The following CXCR5 variants were observed in gnomAD, a reference collection of about 807,000 sequenced individuals.
CXCR5 encodes C-X-C chemokine receptor type 5.
Under a neutral mutation model 5.6 loss-of-function variants are expected in CXCR5, and 3 were observed. That is an observed-to-expected ratio of 0.54 (90% CI 0.24 to 1.39). The LOEUF (loss-of-function observed/expected upper bound fraction) is 1.39. Among genes scored for constraint, CXCR5 ranks in the 40% most tolerant of loss-of-function variants. The pLI, the probability that CXCR5 is intolerant of heterozygous loss-of-function variation, is 0.16. For missense variants in CXCR5, 333 were observed against 494.6 expected, an observed-to-expected ratio of 0.67 and a Z score of 3.10; for synonymous variants, 218 against 219.9, an observed-to-expected ratio of 0.99 and a Z score of 0.08.
chr11:118,893,550 A>G lies in CXCR5; in HGVS notation c.52-46A>G. 1 of 1,518,754 alleles carries G rather than the reference A, an allele frequency of 6.6e-7. No homozygotes were observed. Among genetic ancestry groups the G allele is most frequent in the South Asian group, 1.3e-5 (1 of 76,376 alleles). 94.1% of individuals were successfully genotyped at this position (1,518,754 alleles called of 1,614,324 possible). Reference sequence around the variant, plus strand: ...AGCTAGGGTTCCTCTCAGAGAGGAAAGACAGGTCCTTAGGTCCTCACCCTC... The same window carrying G: ...AGCTAGGGTTCCTCTCAGAGAGGAAGGACAGGTCCTTAGGTCCTCACCCTC... On this transcript the variant is annotated intron_variant, in intron 1 of 1. Coordinates refer to ENST00000292174, the MANE Select transcript of CXCR5 (RefSeq NM_001716.5). The surrounding 1 kb of genome is among the most constrained non-coding windows in gnomAD (Gnocchi z 5.7).
At chr11:118,887,180 T>C in intron 1 of CXCR5, 1 of 947,672 alleles carries the variant, frequency 1.1e-6, no homozygotes, top group Non-Finnish European at 1.3e-6. Context: ...AACTCTTGCT[T>C]TCCCCAGGGA....
In CXCR5 at chr11:118,893,882, T is replaced by C; in HGVS notation, c.338T>C (p.Val113Ala). The C allele has an allele frequency of 6.2e-7, 1 of 1,614,196 alleles. No homozygotes were observed. The highest frequency in any genetic ancestry group is 8.5e-7 in the Non-Finnish European group (1 of 1,180,040). The change falls in exon 2 of 2, where the codon GTG becomes GCG. Residue 113 changes from valine to alanine, a missense_variant. Coordinates refer to ENST00000292174, the MANE Select transcript of CXCR5 (RefSeq NM_001716.5). This position sits in a 1 kb window ranked among gnomAD's most constrained non-coding sequence, Gnocchi z 5.7. ...ILPFAVAEGS[V>A]GWVLGTFLCK... The stretch of plus-strand genomic sequence containing the variant: ...CCCTTTGCCGTGGCCGAGGGCTCTG[T>C]GGGCTGGGTCCTGGGGACCTTCCTC...
rs1939858370 is a variant in CXCR5, at chr11:118,894,122, G to A, written c.578G>A (p.Gly193Asp). 1 of 1,614,022 alleles carries A rather than the reference G, an allele frequency of 6.2e-7. No homozygotes were observed. The highest frequency in any genetic ancestry group is 1.1e-5 in the South Asian group (1 of 91,082). Residue 193 changes from glycine (G) to aspartate (D), a missense_variant, in exon 2 of 2, where the codon GGC becomes GAC. Physicochemically the swap from Gly to Asp is moderately conservative, Grantham distance 94. Transcript: ENST00000292174. This position sits in a 1 kb window ranked among gnomAD's most constrained non-coding sequence, Gnocchi z 6.1. ...PEILFAKVSQ[G>D]HHNNSLPRCT... is the part of the protein sequence containing the mutation. Reference sequence around the variant, plus strand: ...ATTCTCTTCGCCAAAGTCAGCCAAGGCCATCACAACAACTCCCTGCCACGT... The same window carrying A: ...ATTCTCTTCGCCAAAGTCAGCCAAGACCATCACAACAACTCCCTGCCACGT...
In CXCR5 at chr11:118,895,692, T is replaced by A. The variant is rs1939898434; in HGVS notation, c.*1029T>A. On this transcript the variant is annotated 3_prime_UTR_variant, in exon 2 of 2. Transcript: ENST00000292174. The surrounding 1 kb of genome is among the most constrained non-coding windows in gnomAD (Gnocchi z 4.2). ...GTGGACTGGAAGGGGCCCGTGGGAG[T>A]CATCTCAACCATCCCCTCCGTGGCA... 1 of 166,750 alleles carries A rather than the reference T, an allele frequency of 6.0e-6. No homozygotes were observed. Among genetic ancestry groups the A allele is most frequent in the Admixed American group, 6.6e-5 (1 of 15,256 alleles). 10.3% of individuals were successfully genotyped at this position (166,750 alleles called of 1,614,324 possible).
intron 1 of CXCR5, among the ~76,000 whole-genome samples, chr11:118,884,734 T>C (rs1010694396): frequency 6.6e-6 from 1 of 152,134 alleles, no homozygotes; most frequent in Admixed American, 6.5e-5. Context: ...AAGAAAATGG[T>C]CTCCAGCACT....
In CXCR5 at chr11:118,893,390, C is replaced by T. The variant is rs1939842463; in HGVS notation, c.52-206C>T. ...CCCGCACGCCTCCCTTCATCAGCAC[C>T]ACCACTCTAAGGAATGCGGTCCCTT... On this transcript the variant is annotated intron_variant, in intron 1 of 1. Coordinates refer to ENST00000292174, the MANE Select transcript of CXCR5 (RefSeq NM_001716.5). This position sits in a 1 kb window ranked among gnomAD's most constrained non-coding sequence, Gnocchi z 5.7. The T allele has an allele frequency of 2.0e-6, 2 of 985,330 alleles. No individual in the cohort carries two copies. The highest frequency in any genetic ancestry group is 6.1e-5 in the Admixed American group (1 of 16,270). 61.0% of individuals were successfully genotyped at this position (985,330 alleles called of 1,614,324 possible).
Position 118,895,051 on chromosome 11 carries a change from T to G in CXCR5, c.*388T>G. ...CCTCCCAGAACACACTCCATCAGCT[T>G]AGGGGCTGCTGACCTCCACAGCTTC... is the stretch of plus-strand genomic sequence containing the variant. On this transcript the variant is annotated 3_prime_UTR_variant, in exon 2 of 2. Transcript: ENST00000292174. The surrounding 1 kb of genome is among the most constrained non-coding windows in gnomAD (Gnocchi z 4.2). The G allele has an allele frequency of 5.4e-6, 1 of 186,352 alleles. No homozygotes were observed. Among genetic ancestry groups the G allele is most frequent in the Non-Finnish European group, 1.2e-5 (1 of 81,798 alleles). 11.5% of individuals were successfully genotyped at this position (186,352 alleles called of 1,614,324 possible).
In CXCR5 at chr11:118,894,216, G is replaced by C; in HGVS notation, c.672G>C (p.Val224=). ...AWFTSRFLYH[V]AGFLLPMLVM... ...TCACCTCCCGATTCCTCTACCATGTGGCGGGATTCCTGCTGCCCATGCTGG... is the reference window on the plus strand; with the variant it reads ...TCACCTCCCGATTCCTCTACCATGTCGCGGGATTCCTGCTGCCCATGCTGG... Residue 224 remains valine (V), a synonymous_variant, in exon 2 of 2, where the codon GTG becomes GTC. Transcript: ENST00000292174. The surrounding 1 kb of genome is among the most constrained non-coding windows in gnomAD (Gnocchi z 6.1). 3.1e-6 allele frequency: 5 copies of C among 1,614,146 alleles called. No individual in the cohort carries two copies. Among genetic ancestry groups the C allele is most frequent in the Non-Finnish European group, 3.4e-6 (4 of 1,180,054 alleles).
At chr11:118,892,278 G>C (rs1295534188) in intron 1 of CXCR5, among the ~76,000 whole-genome samples, 1 of 152,174 alleles carries the variant, frequency 6.6e-6, no homozygotes, top group African/African-American at 2.4e-5. Flanking sequence ...TCAGCATTAG[G>C]AGTGAGTGTG....
chr11:118,887,351 C>G (rs1939728927), intron 1 of CXCR5: 1 of 985,292 alleles, frequency 1.0e-6, no homozygotes, highest in African/African-American at 1.7e-5. Context: ...CCACACACAC[C>G]TGGGAGGCCT....
At chr11:118,885,553 G>A (rs1300058249) in intron 1 of CXCR5, among the ~76,000 whole-genome samples, 3 of 152,338 alleles carry the variant, frequency 2.0e-5, no homozygotes, top group South Asian at 4.1e-4. Context: ...CGCTGGCCTC[G>A]CCTGATTAGG....
At chr11:118,889,975 C>T (rs749405630) in intron 1 of CXCR5, among the ~76,000 whole-genome samples, 40 of 152,322 alleles carry the variant, frequency 2.6e-4, no homozygotes, top group African/African-American at 6.3e-4. Flanking sequence ...CACCCAGGCA[C>T]GGCCAAGGTA....
intron 1 of CXCR5, among the ~76,000 whole-genome samples, chr11:118,884,721 G>T (rs1313612422): frequency 2.0e-5 from 3 of 152,164 alleles, no homozygotes; most frequent in Admixed American, 1.3e-4. Flanking sequence ...TCTTGGGTGG[G>T]CTAAGAAAAT....
At chr11:118,884,831 T>C (rs1186709318) in intron 1 of CXCR5, among the ~76,000 whole-genome samples, 1 of 152,156 alleles carries the variant, frequency 6.6e-6, no homozygotes, top group Non-Finnish European at 1.5e-5. Flanking sequence ...TGTGTGTGTG[T>C]GTGGAGCAGC....
At chr11:118,886,498 G>T (rs1254000164) in intron 1 of CXCR5, 2 of 388,546 alleles carry the variant, frequency 5.1e-6, no homozygotes, top group African/African-American at 4.3e-5. Flanking sequence ...GGGACGGGCT[G>T]CTAATTCTCA....
chr11:118,884,796 T>C (rs1334072384), intron 1 of CXCR5, among the ~76,000 whole-genome samples: 1 of 152,152 alleles, frequency 6.6e-6, no homozygotes, highest in African/African-American at 2.4e-5. Context: ...GCAGTTGACT[T>C]GGTTGTCACT....
chr11:118,885,669 G>C (rs1422379144), intron 1 of CXCR5, among the ~76,000 whole-genome samples: 1 of 152,198 alleles, frequency 6.6e-6, no homozygotes, highest in African/African-American at 2.4e-5. Flanking sequence ...CAGCTTCTGA[G>C]AAACCTTAAG....
rs5795149 is a variant in CXCR5 at position 118,886,347 on chromosome 11, GAAA to G, written c.51+2369_51+2371del. The G allele has an allele frequency of 6.0e-3, 2,417 of 402,236 alleles. 2 individuals are homozygous for G. Among genetic ancestry groups the G allele is most frequent in the South Asian group, 0.015 (845 of 56,246 alleles). The allele number at this position is 402,236 out of a possible 1,614,324, so 24.9% of individuals were successfully genotyped here. ...GCCTTTTGGTTACACAAACTTGCCA[GAAA>G]AAAAAAAAAAAAAGGAACTGGGGGC... On this transcript the variant is annotated intron_variant, in intron 1 of 1. Transcript: ENST00000292174.
In CXCR5 at chr11:118,894,169, C is replaced by A. The variant is rs1939859450; in HGVS notation, c.625C>A (p.Gln209Lys). The change falls in exon 2 of 2, where the codon CAA becomes AAA. Residue 209 changes from glutamine to lysine, a missense_variant. Physicochemically the swap from Gln to Lys is moderately conservative, Grantham distance 53 (BLOSUM62 1). Transcript: ENST00000292174. The surrounding 1 kb of genome is among the most constrained non-coding windows in gnomAD (Gnocchi z 6.1). The stretch of plus-strand genomic sequence containing the variant: ...ACGTTGCACCTTCTCCCAAGAGAAC[C>A]AAGCAGAAACGCATGCCTGGTTCAC... ...LPRCTFSQEN[Q>K]AETHAWFTSR... 1.2e-6 allele frequency: 2 copies of A among 1,613,952 alleles called. No homozygotes were observed. Among genetic ancestry groups the A allele is most frequent in the Non-Finnish European group, 1.7e-6 (2 of 1,180,044 alleles).
Sources: allele counts gnomAD v4.1 joint callset (sites outside exome capture counted in the v4.1 genomes callset), GRCh38; gene constraint gnomAD v4.1.1; non-coding constraint Gnocchi (gnomAD v3.1); transcripts MANE v1.5; gene names NCBI Gene and HGNC (gene_info 2026-07-23, HGNC 2026-07-21).